The following BBX variants were observed in gnomAD, a reference collection of about 807,000 sequenced individuals.
BBX encodes HMG box transcription factor BBX.
A neutral mutation model predicts 100.2 loss-of-function variants in BBX; 30 were observed. The ratio of observed to expected loss-of-function variants is 0.30; its 90% CI spans 0.22 to 0.41. BBX has a LOEUF of 0.41. Among genes scored for constraint, BBX ranks in the 10% least tolerant of loss-of-function variants. The probability of loss-of-function intolerance (pLI) is 1.00; values close to 1 mark genes in which losing one functional copy is unlikely to be tolerated. For missense variants in BBX, 1,023 were observed against 1,129.8 expected (o/e 0.91, Z 1.35); for synonymous variants, 376 against 388.1 (o/e 0.97, Z 0.37).
At chr3:107,576,545 A>C (rs600011) in intron 2 of BBX, among the ~76,000 whole-genome samples, 37,038 of 152,090 alleles carry the variant, frequency 0.24, 4,964 homozygotes, top group Non-Finnish European at 0.3. Context: ...TTAAGCTTGA[A>C]TGTATATTAC....
intron 3 of BBX, among the ~76,000 whole-genome samples, chr3:107,678,859 G>A (rs568215247): frequency 3.3e-5 from 5 of 152,276 alleles, no homozygotes; most frequent in African/African-American, 9.6e-5. Flanking sequence ...TCCAAGCAGT[G>A]TATGTGTATA....
intron 5 of BBX, among the ~76,000 whole-genome samples, chr3:107,719,800 A>G (rs1191643696): frequency 6.6e-6 from 1 of 152,014 alleles, no homozygotes; most frequent in African/African-American, 2.4e-5. Context: ...TTTCCTTTTA[A>G]CATCTTCATG....
At chr3:107,582,284 G>A (rs889340735) in intron 2 of BBX, among the ~76,000 whole-genome samples, 4 of 151,506 alleles carry the variant, frequency 2.6e-5, no homozygotes, top group African/African-American at 9.7e-5. Flanking sequence ...TATGGCATAT[G>A]TGGAAGCTTT....
At chr3:107,733,949 G>A (rs2063481086) in intron 7 of BBX, among the ~76,000 whole-genome samples, 1 of 152,052 alleles carries the variant, frequency 6.6e-6, no homozygotes, top group Admixed American at 6.6e-5. Flanking sequence ...ATTTAACAGA[G>A]GCCAATTGAA....
At chr3:107,775,714 G>A (rs147339244) in intron 12 of BBX, among the ~76,000 whole-genome samples, 1,642 of 152,150 alleles carry the variant, frequency 0.011, 24 homozygotes, top group Middle Eastern at 0.055. Context: ...CATAATATTT[G>A]CATATCTCTT....
intron 4 of BBX, among the ~76,000 whole-genome samples, chr3:107,711,929 TG>T (rs1192325731): frequency 1.3e-5 from 2 of 152,078 alleles, no homozygotes; most frequent in Non-Finnish European, 2.9e-5. Context: ...TATAGTACAG[TG>T]GCACCATTTC....
chr3:107,576,397 C>CT (rs1267468306), intron 2 of BBX, among the ~76,000 whole-genome samples: 3 of 152,078 alleles, frequency 2.0e-5, no homozygotes, highest in East Asian at 1.9e-4. Context: ...GAATAACTGG[C>CT]TTTTTTTTCT....
intron 5 of BBX, among the ~76,000 whole-genome samples, chr3:107,720,307 T>C (rs780152480): frequency 2.0e-5 from 3 of 152,002 alleles, no homozygotes; most frequent in Non-Finnish European, 2.9e-5. Flanking sequence ...TGGGTAATTA[T>C]GGCAAGAATG....
chr3:107,789,823 A>G lies in BBX; in HGVS notation c.2240A>G (p.Lys747Arg). 1 of 1,549,994 alleles carries G rather than the reference A, an allele frequency of 6.5e-7. No individual in the cohort carries two copies. The highest frequency in any genetic ancestry group is 8.7e-7 in the Non-Finnish European group (1 of 1,145,732). ...TCTCAGAAAAAGAACTTATTCCACA[A>G]AATTGTCAGCAAATATAAGCACAAA... ...FQSQKKNLFH[K>R]IVSKYKHKKE... Residue 747 changes from lysine (K) to arginine (R), a missense_variant, in exon 14 of 18, where the codon AAA (lysine) becomes AGA (arginine). Physicochemically the swap from Lys to Arg is conservative, Grantham distance 26. Coordinates refer to ENST00000325805, the MANE Select transcript of BBX (RefSeq NM_001142568.3).
intron 2 of BBX, among the ~76,000 whole-genome samples, chr3:107,640,485 G>A (rs1192131591): frequency 2.6e-5 from 4 of 151,718 alleles, no homozygotes; most frequent in African/African-American, 7.3e-5. Flanking sequence ...AGTTTTATTC[G>A]TCTCCTGTGT....
At chr3:107,566,106 C>T (rs1398416387) in intron 2 of BBX, among the ~76,000 whole-genome samples, 1 of 121,300 alleles carries the variant, frequency 8.2e-6, no homozygotes, top group Non-Finnish European at 1.6e-5. Flanking sequence ...ACTCGGGAGG[C>T]GGAGGTTGCA....
intron 3 of BBX, among the ~76,000 whole-genome samples, chr3:107,682,418 G>A (rs939112961): frequency 1.1e-4 from 16 of 152,110 alleles, no homozygotes; most frequent in African/African-American, 3.9e-4. Context: ...TAAAACCCCT[G>A]TCGAAGGTGA....
chr3:107,763,329 AC>A (rs1221275224), intron 10 of BBX, among the ~76,000 whole-genome samples: 1 of 147,594 alleles, frequency 6.8e-6, no homozygotes, highest in Admixed American at 6.9e-5. Flanking sequence ...GGTTCACGCC[AC>A]TCTCCTGCCT....
intron 5 of BBX, among the ~76,000 whole-genome samples, chr3:107,717,372 A>G (rs769031991): frequency 6.6e-6 from 1 of 152,124 alleles, no homozygotes; most frequent in Non-Finnish European, 1.5e-5. Flanking sequence ...CAACATCTGC[A>G]TCTCAGCTTC....
At chr3:107,659,683 C>G in intron 3 of BBX, 1 of 1,247,966 alleles carries the variant, frequency 8.0e-7, no homozygotes, top group Non-Finnish European at 1.0e-6. Context: ...GTTCTCCTAA[C>G]CACACCACCA....
chr3:107,803,695 G>A (rs2070763679), intron 17 of BBX, among the ~76,000 whole-genome samples: 1 of 152,158 alleles, frequency 6.6e-6, no homozygotes, highest in Non-Finnish European at 1.5e-5. Flanking sequence ...AGAGCACACA[G>A]CCAATTTGTG....
intron 2 of BBX, among the ~76,000 whole-genome samples, chr3:107,554,716 C>G (rs866927280): frequency 1.4e-5 from 2 of 146,498 alleles, no homozygotes; most frequent in African/African-American, 5.1e-5. Flanking sequence ...GGGTGAGACC[C>G]TGTCTCAAAA....
At chr3:107,729,100 C>A in intron 6 of BBX, 140 bp downstream of exon 6, 3 of 832,124 alleles carry the variant, frequency 3.6e-6, no homozygotes, top group Non-Finnish European at 5.6e-6. Flanking sequence ...TATTTTCAAG[C>A]ATTGGATCAT....
At chr3:107,602,886 C>G (rs1366506411) in intron 2 of BBX, among the ~76,000 whole-genome samples, 1 of 152,200 alleles carries the variant, frequency 6.6e-6, no homozygotes, top group African/African-American at 2.4e-5. Context: ...AAGATTTAGA[C>G]CATTATATAA....
Sources: allele counts gnomAD v4.1 joint callset (sites outside exome capture counted in the v4.1 genomes callset), GRCh38; gene constraint gnomAD v4.1.1; transcripts MANE v1.5; gene names NCBI Gene and HGNC (gene_info 2026-07-23, HGNC 2026-07-21).